The following PTCHD4 variants were observed in gnomAD, a reference collection of about 807,000 sequenced individuals.
PTCHD4 encodes the protein patched domain containing 4, also known as patched domain-containing protein 4.
Under a neutral mutation model 58.1 loss-of-function variants are expected in PTCHD4, and 33 were observed. The ratio of observed to expected loss-of-function variants is 0.57; its 90% CI spans 0.43 to 0.76. The LOEUF (loss-of-function observed/expected upper bound fraction) is 0.76, where lower values mean the gene tolerates loss of function less well. PTCHD4 is among the 30% of genes least tolerant of loss of function. The pLI is 0.00. For missense variants in PTCHD4, 1,058 were observed against 1,027.1 expected, an observed-to-expected ratio of 1.03 and a Z score of -0.41; for synonymous variants, 478 against 409.6, an observed-to-expected ratio of 1.17 and a Z score of -2.02.
chr6:48,042,266 T>C (rs111915961), intron 3 of PTCHD4, among the ~76,000 whole-genome samples: 116 of 152,098 alleles, frequency 7.6e-4, no homozygotes, highest in African/African-American at 2.5e-3. Flanking sequence ...ACAGGTGATT[T>C]CTACATAGCT....
intron 4 of PTCHD4, among the ~76,000 whole-genome samples, chr6:47,959,162 A>G (rs1766984425): frequency 6.6e-6 from 1 of 152,254 alleles, no homozygotes; most frequent in South Asian, 2.1e-4. Flanking sequence ...TGTTGGAATT[A>G]GCAGATAAGG....
At chr6:47,985,191 C>G (rs982880510) in intron 4 of PTCHD4, among the ~76,000 whole-genome samples, 33 of 152,036 alleles carry the variant, frequency 2.2e-4, no homozygotes, top group African/African-American at 7.5e-4. Context: ...ATTCTTACTA[C>G]TCTTTTAAGC....
At position 47,917,583 on chromosome 6, in the gene PTCHD4, T is replaced by C. The variant is rs1380276857; in HGVS notation, c.899-37647A>G. Among the ~76,000 whole-genome samples the C allele has an allele frequency of 2.6e-5, 4 of 152,152 alleles. No homozygotes were observed. In the East Asian group the frequency reaches 7.7e-4, roughly 29 times the overall value. On this transcript the variant is annotated intron_variant, in intron 4 of 4. Transcript: ENST00000339488. ...CATCAACCATCTTGAAGAAAACACT[T>C]GATTCTACTATGCATATACTTTTAT...
intron 1 of PTCHD4, among the ~76,000 whole-genome samples, chr6:48,109,577 T>C (rs1765819293): frequency 6.6e-6 from 1 of 151,960 alleles, no homozygotes; most frequent in South Asian, 2.1e-4. Context: ...ACTAAAAAGC[T>C]CCTTCAGAGT....
chr6:47,986,425 G>A (rs1768064659), intron 4 of PTCHD4, among the ~76,000 whole-genome samples: 2 of 152,044 alleles, frequency 1.3e-5, no homozygotes, highest in Admixed American at 6.5e-5. Context: ...TCTTGGATAG[G>A]TGGTATACTT....
At chr6:48,008,140 G>A (rs987601511) in intron 4 of PTCHD4, among the ~76,000 whole-genome samples, 1 of 152,160 alleles carries the variant, frequency 6.6e-6, no homozygotes, top group Non-Finnish European at 1.5e-5. Flanking sequence ...TAGGGGAATG[G>A]AGTATACTCT....
intron 4 of PTCHD4, among the ~76,000 whole-genome samples, chr6:47,968,216 G>C (rs1186579516): frequency 6.7e-6 from 1 of 149,820 alleles, no homozygotes; most frequent in African/African-American, 2.5e-5. Context: ...CAAGGAGAGT[G>C]GGGGAGATGA....
At chr6:48,072,458 TA>T (rs1211215567) in intron 1 of PTCHD4, among the ~76,000 whole-genome samples, 1 of 152,178 alleles carries the variant, frequency 6.6e-6, no homozygotes, top group Non-Finnish European at 1.5e-5. Context: ...CTAGGAGTAT[TA>T]CTACTTCCTG....
intron 3 of PTCHD4, among the ~76,000 whole-genome samples, chr6:48,046,503 A>T (rs919707333): frequency 1.3e-5 from 2 of 151,840 alleles, no homozygotes; most frequent in Non-Finnish European, 2.9e-5. Flanking sequence ...ATTATTTTCT[A>T]CCTTTTAATG....
chr6:48,092,124 C>G (rs1765378544), intron 1 of PTCHD4, among the ~76,000 whole-genome samples: 1 of 152,110 alleles, frequency 6.6e-6, no homozygotes, highest in Non-Finnish European at 1.5e-5. Flanking sequence ...TTCATCTACC[C>G]TGAACAAAAA....
chr6:48,055,892 G>A lies in PTCHD4; in HGVS notation c.417+12338C>T, dbSNP rs529713353. On this transcript the variant is annotated intron_variant, in intron 3 of 4. Coordinates refer to ENST00000339488, the MANE Select transcript of PTCHD4 (RefSeq NM_001384253.1). ...TACTGTCCCCTACATTGAATTGTACGGAAAGACTCAGTTCCTGGGAAGAAG... is the reference window on the plus strand; with the variant it reads ...TACTGTCCCCTACATTGAATTGTACAGAAAGACTCAGTTCCTGGGAAGAAG... Among the ~76,000 whole-genome samples the A allele has an allele frequency of 9.2e-5, 14 of 152,226 alleles. 1 individual carries two copies. In the South Asian group the frequency reaches 2.3e-3, roughly 25 times the overall value.
chr6:48,095,620 C>T (rs1229957230), intron 1 of PTCHD4, among the ~76,000 whole-genome samples: 2 of 151,392 alleles, frequency 1.3e-5, no homozygotes, highest in African/African-American at 2.4e-5. Flanking sequence ...ACCCGGGAGG[C>T]AGAGCTTGCA....
intron 4 of PTCHD4, among the ~76,000 whole-genome samples, chr6:47,890,667 C>T (rs571026683): frequency 8.5e-5 from 13 of 152,156 alleles, no homozygotes; most frequent in Admixed American, 2.0e-4. Context: ...CTTCTGAATG[C>T]AGCTTGGTTA....
intron 4 of PTCHD4, among the ~76,000 whole-genome samples, chr6:47,915,571 A>ATTT (rs35234678): frequency 0.53 from 77,075 of 144,284 alleles, 21,989 homozygotes; most frequent in Admixed American, 0.68. Context: ...TAGAAGACAG[A>ATTT]TTTTTTTTTT....
intron 1 of PTCHD4, among the ~76,000 whole-genome samples, chr6:48,082,522 T>C (rs576091888): frequency 2.0e-5 from 3 of 152,258 alleles, no homozygotes; most frequent in East Asian, 3.9e-4. Context: ...TCAAAATAAT[T>C]CAAATAGCAC....
At chr6:48,088,844 G>C (rs1387510460) in intron 1 of PTCHD4, among the ~76,000 whole-genome samples, 2 of 152,084 alleles carry the variant, frequency 1.3e-5, no homozygotes, top group Non-Finnish European at 2.9e-5. Flanking sequence ...AGGAGTTCGA[G>C]ACCAGCCTGG....
chr6:48,051,032 C>T (rs780530996), intron 3 of PTCHD4, among the ~76,000 whole-genome samples: 8 of 151,884 alleles, frequency 5.3e-5, no homozygotes, highest in Non-Finnish European at 1.2e-4. Flanking sequence ...ACTTGGAGTC[C>T]TACAATTTGT....
At chr6:48,020,546 A>G (rs1763030058) in intron 3 of PTCHD4, among the ~76,000 whole-genome samples, 3 of 152,200 alleles carry the variant, frequency 2.0e-5, no homozygotes, top group African/African-American at 7.2e-5. Context: ...CACCAAACTA[A>G]TAATACATGT....
chr6:47,921,945 TAAAAAA>T (rs544513150), intron 4 of PTCHD4, among the ~76,000 whole-genome samples: 1 of 117,016 alleles, frequency 8.5e-6, no homozygotes, highest in Non-Finnish European at 1.8e-5. Context: ...ACACCTTGTC[TAAAAAA>T]AAAAAAAAAG....
Sources: gnomAD v4.1 joint callset for allele counts (sites outside exome capture counted in the v4.1 genomes callset) on GRCh38, gnomAD v4.1.1 for gene constraint, MANE v1.5 for transcripts, NCBI Gene and HGNC (gene_info 2026-07-23, HGNC 2026-07-21) for gene names.